ASCC3: variants seen among roughly 807,000 people sequenced by gnomAD.
ASCC3 encodes the protein ASC-1 complex subunit P200.
A neutral mutation model predicts 256.3 loss-of-function variants in ASCC3; 158 were observed. That is an observed-to-expected ratio of 0.62 (90% CI 0.54 to 0.70). The LOEUF is 0.70. ASCC3 is among the 30% of genes least tolerant of loss of function. The probability of loss-of-function intolerance (pLI) is 0.00; values close to 1 mark genes in which losing one functional copy is unlikely to be tolerated. For missense variants in ASCC3, 2,259 were observed against 2,626.0 expected (o/e 0.86, Z 3.05); for synonymous variants, 948 against 883.4 (o/e 1.07, Z -1.30).
At position 100,778,365 on chromosome 6, in the gene ASCC3, A is replaced by G. The variant is rs545658433; in HGVS notation, c.1396-11020T>C. Reference sequence around the variant, plus strand: ...AATTATATAGTAGCAGCAGACTCAAATTTCAAAAGTTTGCATTCTAGTAAT... The same window carrying G: ...AATTATATAGTAGCAGCAGACTCAAGTTTCAAAAGTTTGCATTCTAGTAAT... On this transcript the variant is annotated intron_variant, in intron 8 of 41. Coordinates refer to ENST00000369162, the MANE Select transcript of ASCC3 (RefSeq NM_006828.4). 7.3e-5 allele frequency among the ~76,000 whole-genome samples: 11 copies of G among 151,566 alleles called. No individual in the cohort carries two copies. In the South Asian group the frequency reaches 2.3e-3, roughly 32 times the overall value.
chr6:100,548,340 T>C (rs371659776), intron 36 of ASCC3, among the ~76,000 whole-genome samples: 36 of 152,048 alleles, frequency 2.4e-4, no homozygotes, highest in Middle Eastern at 3.4e-3. Flanking sequence ...TTGTGCTTGA[T>C]TGACAGTTTC....
intron 37 of ASCC3, among the ~76,000 whole-genome samples, chr6:100,537,253 A>G (rs1775206007): frequency 6.6e-6 from 1 of 152,166 alleles, no homozygotes; most frequent in Non-Finnish European, 1.5e-5. Context: ...AGGACAAACC[A>G]TCACTGCTGT....
chr6:100,562,120 G>T (rs1050465767), intron 36 of ASCC3, among the ~76,000 whole-genome samples: 1 of 151,976 alleles, frequency 6.6e-6, no homozygotes, highest in African/African-American at 2.4e-5. Context: ...TATTCCATTG[G>T]ACTGTCAGTT....
intron 10 of ASCC3, among the ~76,000 whole-genome samples, chr6:100,748,254 A>G (rs945995799): frequency 6.6e-6 from 1 of 152,012 alleles, no homozygotes; most frequent in African/African-American, 2.4e-5. Context: ...TGAACAGTCA[A>G]TGTAGCACAA....
intron 37 of ASCC3, among the ~76,000 whole-genome samples, chr6:100,533,959 T>C (rs1181206047): frequency 6.6e-6 from 1 of 152,218 alleles, no homozygotes; most frequent in African/African-American, 2.4e-5. Context: ...TTAACTTCTC[T>C]GAAAACCAAC....
At chr6:100,653,894 G>C (rs1206307086) in intron 17 of ASCC3, among the ~76,000 whole-genome samples, 4 of 151,946 alleles carry the variant, frequency 2.6e-5, no homozygotes, top group African/African-American at 7.2e-5. Flanking sequence ...GTAGTCATGA[G>C]GAGTAAAGTG....
chr6:100,705,010 G>A (rs895079634), intron 13 of ASCC3, among the ~76,000 whole-genome samples: 2 of 151,980 alleles, frequency 1.3e-5, no homozygotes, highest in East Asian at 1.9e-4. Flanking sequence ...ATTATTAGCC[G>A]GAATGATAAA....
At chr6:100,745,242 G>A (rs187497271) in intron 10 of ASCC3, among the ~76,000 whole-genome samples, 16 of 152,114 alleles carry the variant, frequency 1.1e-4, no homozygotes, top group African/African-American at 3.4e-4. Context: ...CAAGAGAATC[G>A]CTTGAACCTG....
In ASCC3 at chr6:100,512,815, G is replaced by A; in HGVS notation, c.6179C>T (p.Thr2060Ile). The change falls in exon 40 of 42, where the codon ACT becomes ATT. Residue 2060 changes from threonine (T) to isoleucine (I), a missense_variant. Coordinates refer to ENST00000369162, the MANE Select transcript of ASCC3 (RefSeq NM_006828.4). ...VEGHNELSVS[T>I]LTADKRDDNK... Reference sequence around the variant, plus strand: ...GTCATCTCGTTTGTCTGCAGTCAGAGTTGAGACAGAGAGTTCATTATGTCC... The same window carrying A: ...GTCATCTCGTTTGTCTGCAGTCAGAATTGAGACAGAGAGTTCATTATGTCC... 1 of 1,614,108 alleles carries A rather than the reference G, an allele frequency of 6.2e-7. No homozygotes were observed.
intron 13 of ASCC3, among the ~76,000 whole-genome samples, chr6:100,710,861 C>G (rs1230976904): frequency 6.6e-6 from 1 of 151,908 alleles, no homozygotes; most frequent in Non-Finnish European, 1.5e-5. Flanking sequence ...AAATACGTTT[C>G]AATAATAATT....
At chr6:100,684,888 A>T (rs1302553909) in intron 13 of ASCC3, among the ~76,000 whole-genome samples, 2 of 148,614 alleles carry the variant, frequency 1.3e-5, no homozygotes, top group Non-Finnish European at 3.0e-5. Context: ...CTCACTGCAA[A>T]CTCCGCCTCC....
intron 36 of ASCC3, among the ~76,000 whole-genome samples, chr6:100,585,436 C>G (rs1771596678): frequency 1.3e-5 from 2 of 152,182 alleles, no homozygotes; most frequent in Non-Finnish European, 2.9e-5. Context: ...TCCATCAGCT[C>G]CTTTAAGCAC....
chr6:100,692,210 C>T (rs141052416), intron 13 of ASCC3, among the ~76,000 whole-genome samples: 1 of 151,990 alleles, frequency 6.6e-6, no homozygotes, highest in African/African-American at 2.4e-5. Flanking sequence ...TCTGGTATGA[C>T]TTTCTCTTTC....
intron 33 of ASCC3, among the ~76,000 whole-genome samples, chr6:100,602,852 AT>A (rs1772692041): frequency 6.6e-6 from 1 of 152,086 alleles, no homozygotes; most frequent in African/African-American, 2.4e-5. Context: ...TAAAACTATA[AT>A]TCATGGAAAA....
intron 34 of ASCC3, among the ~76,000 whole-genome samples, chr6:100,600,084 G>T (rs1301149200): frequency 6.6e-6 from 1 of 152,008 alleles, no homozygotes; most frequent in African/African-American, 2.4e-5. Flanking sequence ...ATAAGAATCA[G>T]TGTGTTGATT....
chr6:100,753,878 T>C (rs955902510), intron 10 of ASCC3, among the ~76,000 whole-genome samples: 6 of 152,156 alleles, frequency 3.9e-5, no homozygotes, highest in Non-Finnish European at 8.8e-5. Flanking sequence ...AGGCTGAACA[T>C]AAAATCAATT....
rs564176299 is a variant in ASCC3 at position 100,744,231 on chromosome 6, ATTTAT to A, written c.1738-18533_1738-18529del. On this transcript the variant is annotated intron_variant, in intron 10 of 41. Coordinates refer to ENST00000369162, the MANE Select transcript of ASCC3 (RefSeq NM_006828.4). Reference sequence around the variant, plus strand: ...TTCCATATTTTATCAAGTAGCTTAAATTTATTTTATTTTATTTTTAGCTCTTTATA... The same window carrying A: ...TTCCATATTTTATCAAGTAGCTTAAATTTATTTTATTTTTAGCTCTTTATA... Among the ~76,000 whole-genome samples, 7 of 152,104 alleles carry A rather than the reference ATTTAT, an allele frequency of 4.6e-5. 1 individual carries two copies. In the South Asian group the frequency reaches 6.2e-4, roughly 13 times the overall value.
At chr6:100,776,339 C>A (rs1294871244) in intron 8 of ASCC3, among the ~76,000 whole-genome samples, 1 of 152,014 alleles carries the variant, frequency 6.6e-6, no homozygotes, top group Admixed American at 6.6e-5. Context: ...TAAGTATATA[C>A]CATTTTCCCT....
intron 37 of ASCC3, among the ~76,000 whole-genome samples, chr6:100,532,344 G>GTGTCTGTC (rs1303272982): frequency 2.3e-5 from 3 of 131,096 alleles, no homozygotes; most frequent in African/African-American, 9.4e-5. Context: ...GCGTGTGTGT[G>GTGTCTGTC]TGTGTGTGTG....
Sources: gnomAD v4.1 joint callset for allele counts (sites outside exome capture counted in the v4.1 genomes callset) on GRCh38, gnomAD v4.1.1 for gene constraint, MANE v1.5 for transcripts, NCBI Gene and HGNC (gene_info 2026-07-23, HGNC 2026-07-21) for gene names.